The following STX2 variants were observed in gnomAD, a reference collection of about 807,000 sequenced individuals.
STX2 encodes the protein syntaxin 2.
In STX2, 27 loss-of-function variants were observed where a neutral mutation model predicts 40.6. The ratio of observed to expected loss-of-function variants is 0.66; its 90% confidence interval spans 0.49 to 0.92. STX2 has a LOEUF of 0.92. STX2 is among the 40% of genes least tolerant of loss of function. The pLI is 0.00. For missense variants in STX2, 328 were observed against 366.1 expected (o/e 0.90, Z 0.85); for synonymous variants, 123 against 119.1 (o/e 1.03, Z -0.22).
chr12:130,833,701 C>T (rs1280029560), intron 1 of STX2, among the ~76,000 whole-genome samples: 3 of 152,044 alleles, frequency 2.0e-5, no homozygotes, highest in Non-Finnish European at 4.4e-5. Flanking sequence ...GTGAGCCACC[C>T]CACCCAGCCC....
Position 130,821,709 on chromosome 12 carries a change from G to C in STX2, c.185C>G (p.Ser62Cys), listed in dbSNP as rs754128737. The change falls in exon 3 of 11, where the codon TCT becomes TGT. Residue 62 changes from serine to cysteine, a missense_variant. Ser to Cys is a moderately radical substitution (Grantham distance 112). Transcript: ENST00000392373. ...CTTACTTCCTTCCGGGTTTGGTGCA[G>C]AAAGAATGATGCTGTGGTTTTTCTT... ...EVKKNHSIIL[S>C]APNPEGKIKE... The C allele has an allele frequency of 6.2e-7, 1 of 1,613,858 alleles. No individual in the cohort carries two copies. Among genetic ancestry groups the C allele is most frequent in the East Asian group, 2.2e-5 (1 of 44,882 alleles).
At chr12:130,829,486 A>ATGCGGGGAGGAGCTGTGC (rs1159850949) in intron 1 of STX2, among the ~76,000 whole-genome samples, 1 of 150,590 alleles carries the variant, frequency 6.6e-6, no homozygotes, top group Non-Finnish European at 1.5e-5. Context: ...GGAAGATGGG[A>ATGCGGGGAGGAGCTGTGC]TGCGGGGAGG....
rs189540082 is a variant in STX2 at position 130,838,734 on chromosome 12, G to A, written c.30+336C>T. Among the ~76,000 whole-genome samples the A allele has an allele frequency of 2.0e-3, 300 of 152,244 alleles. 1 individual carries two copies. The highest frequency in any genetic ancestry group is 7.1e-3 in the African/African-American group (294 of 41,562). On this transcript the variant is annotated intron_variant, in intron 1 of 10. Coordinates refer to ENST00000392373, the MANE Select transcript of STX2 (RefSeq NM_194356.4). ...GATACAATCCGCCAAGCGGAGTGAC[G>A]GACAGGGAGCCACGCTCGAAGAGGG...
intron 3 of STX2, among the ~76,000 whole-genome samples, chr12:130,816,755 C>T (rs954453516): frequency 6.6e-6 from 1 of 151,970 alleles, no homozygotes; most frequent in Non-Finnish European, 1.5e-5. Flanking sequence ...AAGAAGAAAA[C>T]CCAAAGACAT....
At chr12:130,797,667 A>C (rs1466157160) in intron 9 of STX2, among the ~76,000 whole-genome samples, 3 of 152,224 alleles carry the variant, frequency 2.0e-5, no homozygotes, top group Non-Finnish European at 2.9e-5. Flanking sequence ...AAAAACCCAT[A>C]ATCTCTCCAG....
chr12:130,826,058 C>T (rs906776629), intron 2 of STX2, among the ~76,000 whole-genome samples: 7 of 152,188 alleles, frequency 4.6e-5, no homozygotes, highest in African/African-American at 1.7e-4. Flanking sequence ...ATCCCAGCAC[C>T]GCCAGGCCGC....
At chr12:130,795,702 T>C (rs1404359650) in intron 10 of STX2, among the ~76,000 whole-genome samples, 1 of 152,230 alleles carries the variant, frequency 6.6e-6, no homozygotes, top group Non-Finnish European at 1.5e-5. Context: ...ATCACGCCAC[T>C]GCATTCCAGC....
At chr12:130,816,382 A>C (rs574674308) in intron 3 of STX2, among the ~76,000 whole-genome samples, 1 of 151,244 alleles carries the variant, frequency 6.6e-6, no homozygotes, top group South Asian at 2.1e-4. Flanking sequence ...GGGGGCACTC[A>C]TGACGGAGTG....
chr12:130,808,229 A>G (rs1205684075), intron 5 of STX2, among the ~76,000 whole-genome samples: 1 of 152,138 alleles, frequency 6.6e-6, no homozygotes, highest in Non-Finnish European at 1.5e-5. Context: ...CTCTTCCCAC[A>G]TGTGAAATGT....
chr12:130,810,288 T>A (rs1446346058), intron 4 of STX2, among the ~76,000 whole-genome samples: 2 of 152,178 alleles, frequency 1.3e-5, no homozygotes, highest in Non-Finnish European at 2.9e-5. Flanking sequence ...AAAAATCCTT[T>A]CAAAAAAATT....
intron 10 of STX2, among the ~76,000 whole-genome samples, chr12:130,793,406 G>A (rs1051993525): frequency 2.6e-5 from 4 of 152,136 alleles, no homozygotes; most frequent in Admixed American, 6.5e-5. Flanking sequence ...GCGCCCTCCC[G>A]CTCAGCAAGT....
At chr12:130,818,185 A>ATATATATAT (rs1555222352) in intron 3 of STX2, among the ~76,000 whole-genome samples, 29 of 70,548 alleles carry the variant, frequency 4.1e-4, no homozygotes, top group African/African-American at 9.5e-4. Context: ...AAAAAAAAAA[A>ATATATATAT]ATATATATAT....
intron 3 of STX2, among the ~76,000 whole-genome samples, chr12:130,817,260 G>A (rs1254920277): frequency 1.3e-5 from 2 of 152,104 alleles, no homozygotes; most frequent in Non-Finnish European, 2.9e-5. Flanking sequence ...TCAGAGAATA[G>A]GACAGTATTA....
At position 130,813,741 on chromosome 12, in the gene STX2, C is replaced by T. The variant is rs541268322; in HGVS notation, c.206-710G>A. On this transcript the variant is annotated intron_variant, in intron 3 of 10. Transcript: ENST00000392373. Reference sequence around the variant, plus strand: ...GAGCCCAGGGAGGGTGGCAGGATGTCTGCTCCATGCCGCACACTCACATTT... The same window carrying T: ...GAGCCCAGGGAGGGTGGCAGGATGTTTGCTCCATGCCGCACACTCACATTT... Among the ~76,000 whole-genome samples the T allele has an allele frequency of 5.3e-4, 81 of 152,212 alleles. 2 individuals are homozygous for T. Among genetic ancestry groups the T allele is most frequent in the Admixed American group, 1.3e-3 (20 of 15,282 alleles).
chr12:130,795,098 C>A (rs367631537), intron 10 of STX2, among the ~76,000 whole-genome samples: 1 of 152,114 alleles, frequency 6.6e-6, no homozygotes, highest in Non-Finnish European at 1.5e-5. Flanking sequence ...TAAACTGATA[C>A]CTTTTATATT....
intron 5 of STX2, 52 bp downstream of exon 5, chr12:130,808,579 A>C: frequency 1.3e-6 from 2 of 1,500,716 alleles, no homozygotes; most frequent in Non-Finnish European, 1.8e-6. Flanking sequence ...GAAGAAAGTA[A>C]AAACACTTAT....
rs5801936 is a variant in STX2 at position 130,814,627 on chromosome 12, CTTTTTTTT to C, written c.206-1604_206-1597del. ...CATCAGCAAAGATGCATTAGAAAGA[CTTTTTTTT>C]TTTTTTTTTTTTTTTTTTGAGACAG... On this transcript the variant is annotated intron_variant, in intron 3 of 10. Coordinates refer to ENST00000392373, the MANE Select transcript of STX2 (RefSeq NM_194356.4). Among the ~76,000 whole-genome samples, 23 of 49,262 alleles carry C rather than the reference CTTTTTTTT, an allele frequency of 4.7e-4. No homozygotes were observed. The Admixed American group carries it at 4.8e-3, about 10-fold the overall frequency. The allele number at this position is 49,262 out of a possible 152,430, so 32.3% of individuals were successfully genotyped here.
rs1951653169 is a variant in STX2 at position 130,811,529 on chromosome 12, T to C, written c.280+1428A>G. ...CCAAGAAAAAATGTTAATGTCACCA[T>C]TAACATCTTTTTTTTTTTTTTTTTT... On this transcript the variant is annotated intron_variant, in intron 4 of 10. Transcript: ENST00000392373. Among the ~76,000 whole-genome samples the C allele has an allele frequency of 3.4e-5, 5 of 146,784 alleles. No homozygotes were observed. In the South Asian group the frequency reaches 1.1e-3, roughly 31 times the overall value.
chr12:130,833,683 T>C (rs1300169298), intron 1 of STX2, among the ~76,000 whole-genome samples: 1 of 152,118 alleles, frequency 6.6e-6, no homozygotes, highest in Non-Finnish European at 1.5e-5. Context: ...AGTAGTGGGA[T>C]TACAGGCGTG....
Sources: gnomAD v4.1 joint callset for allele counts (sites outside exome capture counted in the v4.1 genomes callset) on GRCh38, gnomAD v4.1.1 for gene constraint, MANE v1.5 for transcripts, NCBI Gene and HGNC (gene_info 2026-07-23, HGNC 2026-07-21) for gene names.